PROX1: variants seen among roughly 807,000 people sequenced by gnomAD.
PROX1 encodes the protein prospero homeobox 1.
A neutral mutation model predicts 58.8 loss-of-function variants in PROX1; 7 were observed. The ratio of observed to expected loss-of-function variants is 0.12; its 90% confidence interval spans 0.07 to 0.22. PROX1 has a LOEUF of 0.22. PROX1 is among the 10% of genes least tolerant of loss of function. The probability of loss-of-function intolerance (pLI) is 1.00; values close to 1 mark genes in which losing one functional copy is unlikely to be tolerated. For synonymous variants in PROX1, 350 were observed against 358.3 expected (o/e 0.98, Z 0.26); for missense variants, 675 against 927.8 (o/e 0.73, Z 3.54).
At chr1:214,012,996 A>G (rs1196049036) in intron 4 of PROX1, among the ~76,000 whole-genome samples, 1 of 152,054 alleles carries the variant, frequency 6.6e-6, no homozygotes, top group Non-Finnish European at 1.5e-5. Flanking sequence ...GCTTATAAAG[A>G]ATTGAATATG....
At chr1:213,993,531 C>A (rs114798079) in intron 1 of PROX1, among the ~76,000 whole-genome samples, 1 of 152,046 alleles carries the variant, frequency 6.6e-6, no homozygotes, top group Non-Finnish European at 1.5e-5. Flanking sequence ...ATTATGGTAA[C>A]GTAACAGTAC....
chr1:213,986,944 CTTTA>C (rs1470259859), upstream of PROX1, among the ~76,000 whole-genome samples: 1 of 152,142 alleles, frequency 6.6e-6, no homozygotes, highest in African/African-American at 2.4e-5. Flanking sequence ...TTTTCTAGGG[CTTTA>C]TTTTAGAGCC....
chr1:213,984,562 C>G (rs1662777437), upstream of PROX1: 1 of 152,334 alleles, frequency 6.6e-6, no homozygotes, highest in Admixed American at 6.5e-5. Context: ...TCACTTCCCC[C>G]CCATTCAGAA....
chr1:214,040,237 G>T lies in PROX1; in HGVS notation c.*4403G>T, dbSNP rs1664966749. 6.6e-6 allele frequency: 1 copy of T among 152,126 alleles called. No homozygotes were observed. Among genetic ancestry groups the T allele is most frequent in the Non-Finnish European group, 1.5e-5 (1 of 68,026 alleles). The allele number at this position is 152,126 out of a possible 1,614,324, so 9.4% of individuals were successfully genotyped here. On this transcript the variant is annotated 3_prime_UTR_variant, in exon 5 of 5. Coordinates refer to ENST00000366958, the MANE Select transcript of PROX1 (RefSeq NM_001270616.2). ...TAAAGCTAAAATGCTCATATTCAGA[G>T]CTGGGATCAAAACTGGTATTTAACC...
chr1:214,009,738 A>G (rs1258240977), intron 3 of PROX1, among the ~76,000 whole-genome samples: 1 of 152,112 alleles, frequency 6.6e-6, no homozygotes, highest in Non-Finnish European at 1.5e-5. Context: ...TAGAAAAAAA[A>G]TACCCTTCTA....
At position 213,997,557 on chromosome 1, in the gene PROX1, T is replaced by C. The variant is rs750876710; in HGVS notation, c.1022T>C (p.Leu341Ser). 3.1e-6 allele frequency: 5 copies of C among 1,613,950 alleles called. No homozygotes were observed. Among genetic ancestry groups the C allele is most frequent in the Non-Finnish European group, 4.2e-6 (5 of 1,179,992 alleles). Reference sequence around the variant, plus strand: ...GAAAGAGACCATGGGCCAAACTCCTTACAACCGGAAGGCAAACATTTGGCT... The same window carrying C: ...GAAAGAGACCATGGGCCAAACTCCTCACAACCGGAAGGCAAACATTTGGCT... ...NKERDHGPNS[L>S]QPEGKHLAET... The change falls in exon 2 of 5, where the codon TTA (leucine) becomes TCA (serine). Residue 341 changes from leucine to serine, a missense_variant. Coordinates refer to ENST00000366958, the MANE Select transcript of PROX1 (RefSeq NM_001270616.2). This position sits in a 1 kb window ranked among gnomAD's most constrained non-coding sequence, Gnocchi z 7.1.
Position 214,041,153 on chromosome 1 carries a change from G to A in PROX1, c.*5319G>A, listed in dbSNP as rs1664996325. 6.6e-6 allele frequency: 1 copy of A among 152,120 alleles called. No individual in the cohort carries two copies. The highest frequency in any genetic ancestry group is 1.5e-5 in the Non-Finnish European group (1 of 67,990). The allele number at this position is 152,120 out of a possible 1,614,324, so 9.4% of individuals were successfully genotyped here. ...TGCTTTGTACCACTTAAAGGATACA[G>A]TAGTCCAATTGCCTTGTGTGCCTTC... On this transcript the variant is annotated 3_prime_UTR_variant, in exon 5 of 5. Coordinates refer to ENST00000366958, the MANE Select transcript of PROX1 (RefSeq NM_001270616.2).
rs142191513 is a variant in PROX1, at chr1:214,000,810, G to A, written c.1725+2550G>A. Among the ~76,000 whole-genome samples the A allele has an allele frequency of 2.7e-3, 410 of 152,252 alleles. 1 individual carries two copies. The highest frequency in any genetic ancestry group is 9.1e-3 in the African/African-American group (377 of 41,540). Reference sequence around the variant, plus strand: ...CTCCTGTCTCTACCTCTGTATGGCAGTGTGTTCTTCCCTTGATTTAACTGT... The same window carrying A: ...CTCCTGTCTCTACCTCTGTATGGCAATGTGTTCTTCCCTTGATTTAACTGT... On this transcript the variant is annotated intron_variant, in intron 2 of 4. Transcript: ENST00000366958.
Position 214,022,589 on chromosome 1 carries a change from C to T in PROX1, c.2028+10874C>T, listed in dbSNP as rs114530296. 2.8e-3 allele frequency among the ~76,000 whole-genome samples: 429 copies of T among 152,322 alleles called. 1 individual carries two copies. The highest frequency in any genetic ancestry group is 9.9e-3 in the African/African-American group (413 of 41,568). ...ACACTAGCCTGGAACAGCTCCAGGA[C>T]TCTGGGGTCATCCGTTCCAGATGAG... On this transcript the variant is annotated intron_variant, in intron 4 of 4. Transcript: ENST00000366958.
At chr1:214,018,790 A>G (rs430425) in intron 4 of PROX1, among the ~76,000 whole-genome samples, 118,855 of 152,106 alleles carry the variant, frequency 0.78, 46,534 homozygotes, top group South Asian at 0.91. Flanking sequence ...GGCCAGAATC[A>G]ATTCTGCCCC....
intron 3 of PROX1, among the ~76,000 whole-genome samples, chr1:214,006,178 C>T (rs1326379150): frequency 1.3e-5 from 2 of 151,730 alleles, no homozygotes; most frequent in Non-Finnish European, 2.9e-5. Context: ...TGCCCACCCC[C>T]ATATGTACAA....
chr1:214,002,413 T>C (rs1663553079), intron 2 of PROX1, among the ~76,000 whole-genome samples: 1 of 68,120 alleles, frequency 1.5e-5, no homozygotes, highest in South Asian at 3.2e-4. Flanking sequence ...TTCTTTTTTC[T>C]TTTTTTTTTT....
At chr1:214,031,945 G>A (rs1293185700) in intron 4 of PROX1, among the ~76,000 whole-genome samples, 1 of 152,154 alleles carries the variant, frequency 6.6e-6, no homozygotes, top group Non-Finnish European at 1.5e-5. Flanking sequence ...CAGTAGTTCA[G>A]TATCTCATTA....
intron 4 of PROX1, among the ~76,000 whole-genome samples, chr1:214,031,110 C>G (rs1258337244): frequency 6.6e-6 from 1 of 151,940 alleles, no homozygotes; most frequent in Non-Finnish European, 1.5e-5. Context: ...CGCAACCCAG[C>G]TGTGGACTGG....
rs1160486393 is a variant in PROX1, at chr1:214,037,804, A to G, written c.*1970A>G. ...GCAGTTTGGATAATCATGACATTGG[A>G]ATAAAGTGGGAAGGAAAAATTCCAT... On this transcript the variant is annotated 3_prime_UTR_variant, in exon 5 of 5. Transcript: ENST00000366958. The G allele has an allele frequency of 1.3e-5, 2 of 152,248 alleles. No individual in the cohort carries two copies. The highest frequency in any genetic ancestry group is 2.9e-5 in the Non-Finnish European group (2 of 68,042). The allele number at this position is 152,248 out of a possible 1,614,324, so 9.4% of individuals were successfully genotyped here.
chr1:213,997,155 A>G lies in PROX1; in HGVS notation c.620A>G (p.Asn207Ser), dbSNP rs1210607744. The G allele has an allele frequency of 1.2e-6, 2 of 1,613,334 alleles. No homozygotes were observed. The highest frequency in any genetic ancestry group is 2.7e-5 in the African/African-American group (2 of 74,774). The change falls in exon 2 of 5, where the codon AAC becomes AGC. Residue 207 changes from asparagine to serine, a missense_variant. Transcript: ENST00000366958. The surrounding 1 kb of genome is among the most constrained non-coding windows in gnomAD (Gnocchi z 7.1). ...SVSPRESYRE[N>S]KRKQKLPQQQ... ...AGTCCCCGAGAAAGTTACAGAGAAA[A>G]CAAACGCAAGCAAAAGCTTCCCCAG...
At chr1:214,029,811 G>A (rs1326993544) in intron 4 of PROX1, 1 of 152,240 alleles carries the variant, frequency 6.6e-6, no homozygotes, top group East Asian at 1.9e-4. Context: ...GAGGCTGGGG[G>A]GTGGCTGGGG....
At position 213,991,135 on chromosome 1, in the gene PROX1, A is replaced by G. The variant is rs1288502840; in HGVS notation, c.-68+2652A>G. 2.6e-5 allele frequency among the ~76,000 whole-genome samples: 4 copies of G among 152,202 alleles called. No individual in the cohort carries two copies. In the East Asian group the frequency reaches 7.7e-4, roughly 29 times the overall value. On this transcript the variant is annotated intron_variant, in intron 1 of 4. Coordinates refer to ENST00000366958, the MANE Select transcript of PROX1 (RefSeq NM_001270616.2). ...AACTTGTCCATGGGTTAAAACATGG[A>G]CATGTATATGTAATAGTAAAATAGG... is the stretch of plus-strand genomic sequence containing the variant.
intron 2 of PROX1, among the ~76,000 whole-genome samples, chr1:214,000,043 TACAC>T (rs10536742): frequency 0.015 from 2,294 of 149,224 alleles, 23 homozygotes; most frequent in Non-Finnish European, 0.02. Context: ...CTCTCTCTCT[TACAC>T]ACACACACAC....
Sources: allele counts gnomAD v4.1 joint callset (sites outside exome capture counted in the v4.1 genomes callset), GRCh38; gene constraint gnomAD v4.1.1; non-coding constraint Gnocchi (gnomAD v3.1); transcripts MANE v1.5; gene names NCBI Gene and HGNC (gene_info 2026-07-23, HGNC 2026-07-21).